Variants in CSMD2 observed in about 807,000 individuals in gnomAD.
The protein encoded by CSMD2 is CUB and sushi domain-containing protein 2.
A neutral mutation model predicts 398.5 loss-of-function variants in CSMD2; 130 were observed. The observed-to-expected ratio is 0.33, with a 90% CI of 0.28 to 0.38. The LOEUF (loss-of-function observed/expected upper bound fraction) is 0.38. CSMD2 is among the 10% of genes least tolerant of loss of function. The pLI is 1.00. For synonymous variants in CSMD2, 1,828 were observed against 1,908.5 expected, an observed-to-expected ratio of 0.96 and a Z score of 1.10; for missense variants, 3,829 against 4,764.9, an observed-to-expected ratio of 0.80 and a Z score of 5.78.
chr1:33,857,356 A>C (rs1639174697), intron 5 of CSMD2, among the ~76,000 whole-genome samples: 1 of 152,192 alleles, frequency 6.6e-6, no homozygotes, highest in South Asian at 2.1e-4. Flanking sequence ...TTTGGCTTTC[A>C]GATGGGAGAA....
chr1:33,701,106 T>C (rs542060429), intron 22 of CSMD2, among the ~76,000 whole-genome samples: 37 of 152,300 alleles, frequency 2.4e-4, no homozygotes, highest in African/African-American at 8.4e-4. Flanking sequence ...ATCCTGTCCT[T>C]CCAGTAGATG....
At chr1:33,620,063 A>G (rs1247386419) in intron 37 of CSMD2, among the ~76,000 whole-genome samples, 1 of 152,220 alleles carries the variant, frequency 6.6e-6, no homozygotes, top group East Asian at 1.9e-4. Context: ...CTGAAGAGAA[A>G]AATGGAGGGG....
chr1:34,048,603 G>A (rs950538342), intron 2 of CSMD2, among the ~76,000 whole-genome samples: 1 of 152,162 alleles, frequency 6.6e-6, no homozygotes, highest in South Asian at 2.1e-4. Flanking sequence ...GCAAGAGGAT[G>A]GAGAAGATGG....
intron 25 of CSMD2, among the ~76,000 whole-genome samples, chr1:33,672,595 G>A (rs541158724): frequency 6.6e-6 from 1 of 152,348 alleles, no homozygotes; most frequent in Non-Finnish European, 1.5e-5. Flanking sequence ...GTCCCTGTCT[G>A]ACAGCTATGA....
chr1:33,523,377 T>C lies in CSMD2; in HGVS notation c.10439A>G (p.Tyr3480Cys), dbSNP rs766419014. The C allele has an allele frequency of 3.1e-6, 5 of 1,592,284 alleles. No homozygotes were observed. Among genetic ancestry groups the C allele is most frequent in the Non-Finnish European group, 4.3e-6 (5 of 1,161,228 alleles). ...GATCTCCACAGGCCCTGTAATCTGG[T>C]ACACCTGGAGTAGGAGATGAAAATC... is the stretch of plus-strand genomic sequence containing the variant. ...KEDFHLLLQV[Y>C]QITGPVEIFM... The change falls in exon 67 of 71, where the codon TAC becomes TGC. Residue 3480 changes from tyrosine to cysteine, a missense_variant. Tyr to Cys is a radical substitution (Grantham distance 194). This residue lies in a region of CSMD2 where 917 missense variants were observed against 1,199.5 expected (regional missense o/e 0.76). Transcript: ENST00000373381.
rs530868497 is a variant in CSMD2 at position 33,527,785 on chromosome 1, T to G, written c.10172-527A>C. 3.9e-5 allele frequency among the ~76,000 whole-genome samples: 6 copies of G among 152,178 alleles called. No individual in the cohort carries two copies. The South Asian group carries it at 1.2e-3, about 32-fold the overall frequency. On this transcript the variant is annotated intron_variant, in intron 64 of 70. Transcript: ENST00000373381. ...AGTAAAGGAATAAAAGGTGTATATT[T>G]TCCCATCCAAGTGCACAGACTCCCT...
intron 25 of CSMD2, among the ~76,000 whole-genome samples, chr1:33,680,186 T>C (rs899912180): frequency 7.4e-6 from 1 of 135,520 alleles, no homozygotes; most frequent in African/African-American, 2.7e-5. Flanking sequence ...AGAAAAGCAA[T>C]ATTGTGATCC....
At chr1:33,613,220 T>C (rs17357341) in intron 40 of CSMD2, among the ~76,000 whole-genome samples, 16,790 of 152,190 alleles carry the variant, frequency 0.11, 998 homozygotes, top group Non-Finnish European at 0.14. Context: ...AAACCTGAAT[T>C]AGCACCCAGA....
chr1:33,708,591 C>CTTAATATTATTA (rs1553180004), intron 22 of CSMD2, among the ~76,000 whole-genome samples: 1 of 141,084 alleles, frequency 7.1e-6, no homozygotes, highest in African/African-American at 2.6e-5. Flanking sequence ...TCCAACCGAA[C>CTTAATATTATTA]TTATTATTAT....
chr1:33,871,987 C>T (rs1640504644), intron 5 of CSMD2, among the ~76,000 whole-genome samples: 1 of 152,154 alleles, frequency 6.6e-6, no homozygotes, highest in African/African-American at 2.4e-5. Context: ...TTCATGAAGA[C>T]AGGGTTCTCA....
At chr1:33,581,529 CAAAAAAAAAAA>C (rs59068586) in intron 47 of CSMD2, among the ~76,000 whole-genome samples, 3 of 36,876 alleles carry the variant, frequency 8.1e-5, no homozygotes, top group Non-Finnish European at 1.5e-4. Flanking sequence ...GACTCAGTCT[CAAAAAAAAAAA>C]AAAAAAAAAA....
At chr1:33,669,448 C>T (rs1311922681) in intron 25 of CSMD2, among the ~76,000 whole-genome samples, 1 of 152,232 alleles carries the variant, frequency 6.6e-6, no homozygotes, top group African/African-American at 2.4e-5. Flanking sequence ...GACCCAGTCT[C>T]TCCTCCTTCT....
chr1:34,056,574 C>T (rs1029237688), intron 2 of CSMD2, among the ~76,000 whole-genome samples: 5 of 152,142 alleles, frequency 3.3e-5, no homozygotes, highest in East Asian at 1.9e-4. Flanking sequence ...ATCAAATGTA[C>T]GGTTAACAAT....
At chr1:34,121,957 A>G (rs1464186730) in intron 1 of CSMD2, among the ~76,000 whole-genome samples, 1 of 150,666 alleles carries the variant, frequency 6.6e-6, no homozygotes, top group Admixed American at 6.6e-5. Flanking sequence ...CAATAGGGTT[A>G]GTTAACACTC....
Position 33,605,303 on chromosome 1 carries a change from G to T in CSMD2, c.6511C>A (p.His2171Asn). ...CQHGTNRNWD[H>N]PLPKCEVPCG... ...ATACCTTCACACTTGGGCAGGGGGT[G>T]GTCCCAGTTCCGGTTGGTGCCATGT... is the stretch of plus-strand genomic sequence containing the variant. Residue 2171 changes from histidine (H) to asparagine (N), a missense_variant, in exon 42 of 71, where the codon CAC (histidine) becomes AAC (asparagine). His to Asn is a moderately conservative substitution (Grantham distance 68). Around this residue, in one of 5 missense-constraint regions of CSMD2, gnomAD observed 723 missense variants for 758.6 expected, o/e 0.95. Transcript: ENST00000373381. 1 of 1,614,170 alleles carries T rather than the reference G, an allele frequency of 6.2e-7. No individual in the cohort carries two copies. The highest frequency in any genetic ancestry group is 1.1e-5 in the South Asian group (1 of 91,078).
intron 1 of CSMD2, among the ~76,000 whole-genome samples, chr1:34,135,130 T>A (rs983420733): frequency 6.6e-6 from 1 of 152,124 alleles, no homozygotes; most frequent in Non-Finnish European, 1.5e-5. Context: ...TACAAAGAAC[T>A]TTCAAATACT....
intron 21 of CSMD2, among the ~76,000 whole-genome samples, chr1:33,711,006 T>C (rs1310980973): frequency 1.3e-5 from 2 of 152,220 alleles, no homozygotes; most frequent in Non-Finnish European, 2.9e-5. Flanking sequence ...ACAGTACTTT[T>C]AAACTTAGTC....
At chr1:33,935,619 A>G in intron 4 of CSMD2, 141 bp downstream of exon 4, 2 of 816,536 alleles carry the variant, frequency 2.4e-6, no homozygotes, top group Non-Finnish European at 3.7e-6. Context: ...GACCCTGAAA[A>G]CCCTCTGTGC....
Position 33,635,283 on chromosome 1 carries a change from G to A in CSMD2, c.5017C>T (p.Pro1673Ser). The A allele has an allele frequency of 6.2e-7, 1 of 1,612,996 alleles. No homozygotes were observed. ...CTGGTGTAGTTCTGGGGGTAGTTGG[G>A]GGACAAGACCACTCCGTCCGAACCC... ...YVGSDGVVLSPNYPQNYTSGQ... is the reference protein window; with the variant it reads ...YVGSDGVVLSSNYPQNYTSGQ... The change falls in exon 31 of 71, where the codon CCC becomes TCC. Residue 1673 changes from proline (P) to serine (S), a missense_variant. Coordinates refer to ENST00000373381, the MANE Select transcript of CSMD2 (RefSeq NM_001281956.2). This position sits in a 1 kb window ranked among gnomAD's most constrained non-coding sequence, Gnocchi z 5.0.
Sources: gnomAD v4.1 joint callset for allele counts (sites outside exome capture counted in the v4.1 genomes callset) on GRCh38, gnomAD v4.1.1 for gene constraint, gnomAD v4.1.1 regional missense constraint, Gnocchi (gnomAD v3.1) non-coding constraint, MANE v1.5 for transcripts, NCBI Gene and HGNC (gene_info 2026-07-23, HGNC 2026-07-21) for gene names.